The following LINC00305 variants were observed in gnomAD, a reference collection of about 807,000 sequenced individuals.
LINC00305 encodes long intergenic non-protein coding RNA 305.
intron 1 of LINC00305, among the ~76,000 whole-genome samples, chr18:64,134,050 G>A (rs1268284006): frequency 1.3e-5 from 2 of 152,174 alleles, no homozygotes; most frequent in East Asian, 3.9e-4. Context: ...AACATCGGAG[G>A]GGCTTCAGAC....
chr18:64,148,522 A>G (rs1479888265), intron 1 of LINC00305, among the ~76,000 whole-genome samples: 3 of 152,242 alleles, frequency 2.0e-5, no homozygotes, highest in Admixed American at 6.5e-5. Context: ...TCCAAAGTGG[A>G]ACAAGGTTCC....
At chr18:64,102,754 A>G (rs1344521626) in intron 1 of LINC00305, among the ~76,000 whole-genome samples, 1 of 152,220 alleles carries the variant, frequency 6.6e-6, no homozygotes, top group Non-Finnish European at 1.5e-5. Flanking sequence ...ACATGGTCAG[A>G]GCAGGAGAAA....
intron 1 of LINC00305, among the ~76,000 whole-genome samples, chr18:64,110,050 T>C (rs1447400323): frequency 6.6e-6 from 1 of 152,190 alleles, no homozygotes; most frequent in Non-Finnish European, 1.5e-5. Flanking sequence ...CTTCTTCCAA[T>C]ATGGCCCATG....
At chr18:64,126,981 G>C (rs1302895070) in intron 1 of LINC00305, among the ~76,000 whole-genome samples, 6 of 152,022 alleles carry the variant, frequency 3.9e-5, no homozygotes, top group Admixed American at 3.9e-4. Context: ...TTTAGATTCG[G>C]AGGTACATGT....
intron 1 of LINC00305, among the ~76,000 whole-genome samples, chr18:64,113,308 A>G (rs2051323202): frequency 6.6e-6 from 1 of 152,276 alleles, no homozygotes; most frequent in Non-Finnish European, 1.5e-5. Flanking sequence ...CAGATAATGT[A>G]GCACAATGCT....
intron 1 of LINC00305, among the ~76,000 whole-genome samples, chr18:64,105,157 T>C (rs1228150012): frequency 6.6e-6 from 1 of 152,102 alleles, no homozygotes; most frequent in Non-Finnish European, 1.5e-5. Flanking sequence ...GGTATCACAG[T>C]GCATATAAAA....
chr18:64,084,482 A>T (rs989964721), intron 3 of LINC00305, among the ~76,000 whole-genome samples: 1 of 152,224 alleles, frequency 6.6e-6, no homozygotes, highest in African/African-American at 2.4e-5. Context: ...ACTTGAAATA[A>T]AAGTTAAAAA....
At chr18:64,126,121 C>T (rs935408920) in intron 1 of LINC00305, among the ~76,000 whole-genome samples, 3 of 151,928 alleles carry the variant, frequency 2.0e-5, no homozygotes, top group Admixed American at 6.6e-5. Context: ...ATTTTGTTAC[C>T]GCAGCACAAG....
At chr18:64,105,858 G>A (rs893251571) in intron 1 of LINC00305, among the ~76,000 whole-genome samples, 4 of 152,224 alleles carry the variant, frequency 2.6e-5, no homozygotes, top group African/African-American at 4.8e-5. Flanking sequence ...GTAACTCACA[G>A]TTACTTTTAC....
At chr18:64,103,976 T>G (rs2051278648) in intron 1 of LINC00305, 2 of 152,234 alleles carry the variant, frequency 1.3e-5, no homozygotes, top group Admixed American at 1.3e-4. Flanking sequence ...AAAAATGTAT[T>G]TCTTATGTCA....
At chr18:64,125,310 C>A (rs2051379864) in intron 1 of LINC00305, among the ~76,000 whole-genome samples, 1 of 152,056 alleles carries the variant, frequency 6.6e-6, no homozygotes, top group South Asian at 2.1e-4. Context: ...ACCACTCATA[C>A]CCCAGTGCTC....
intron 3 of LINC00305, among the ~76,000 whole-genome samples, chr18:64,081,576 A>T (rs750184302): frequency 4.1e-4 from 63 of 152,226 alleles, no homozygotes; most frequent in Non-Finnish European, 8.2e-4. Flanking sequence ...ATTTATTGTT[A>T]AACTTAAATG....
At chr18:64,112,873 A>G (rs2051321211) in intron 1 of LINC00305, among the ~76,000 whole-genome samples, 1 of 152,208 alleles carries the variant, frequency 6.6e-6, no homozygotes, top group South Asian at 2.1e-4. Context: ...CCTTGTTAAG[A>G]AAACAGTAGT....
intron 1 of LINC00305, among the ~76,000 whole-genome samples, chr18:64,102,390 C>T (rs751210958): frequency 2.2e-4 from 33 of 152,172 alleles, no homozygotes; most frequent in Non-Finnish European, 1.2e-4. Flanking sequence ...TATAAGTAGA[C>T]ATTTAGAATG....
intron 1 of LINC00305, among the ~76,000 whole-genome samples, chr18:64,111,895 T>C (rs1371115062): frequency 6.6e-6 from 1 of 152,242 alleles, no homozygotes; most frequent in Non-Finnish European, 1.5e-5. Context: ...CAGTAATGTA[T>C]GCAAACTTAT....
intron 1 of LINC00305, among the ~76,000 whole-genome samples, chr18:64,112,018 G>A (rs902338564): frequency 3.3e-5 from 5 of 152,174 alleles, no homozygotes; most frequent in African/African-American, 7.2e-5. Flanking sequence ...TTAATATGTC[G>A]TGTGGATCTT....
chr18:64,110,584 C>T (rs574085317), intron 1 of LINC00305, among the ~76,000 whole-genome samples: 64 of 152,138 alleles, frequency 4.2e-4, no homozygotes, highest in African/African-American at 1.4e-3. Flanking sequence ...TTTATGGTGA[C>T]CTACAAAGAT....
intron 1 of LINC00305, among the ~76,000 whole-genome samples, chr18:64,108,582 GA>G (rs1267303948): frequency 1.3e-5 from 2 of 152,128 alleles, no homozygotes; most frequent in Non-Finnish European, 2.9e-5. Flanking sequence ...ATTAGAACCA[GA>G]TGAACAAATG....
chr18:64,131,406 T>C (rs72949525), intron 1 of LINC00305, among the ~76,000 whole-genome samples: 10,732 of 152,250 alleles, frequency 0.07, 569 homozygotes, highest in Non-Finnish European at 0.11. Flanking sequence ...AATTACCCAT[T>C]GACAGAGATC....
Sources: gnomAD v4.1 joint callset for allele counts (sites outside exome capture counted in the v4.1 genomes callset) on GRCh38, gnomAD v4.1.1 for gene constraint, MANE v1.5 for transcripts, NCBI Gene and HGNC (gene_info 2026-07-23, HGNC 2026-07-21) for gene names.